The following NFX1 variants were observed in gnomAD, a reference collection of about 807,000 sequenced individuals.
The protein encoded by NFX1 is transcriptional repressor NF-X1.
A neutral mutation model predicts 137.2 loss-of-function variants in NFX1; 69 were observed. The observed-to-expected ratio is 0.50, with a 90% CI of 0.41 to 0.61. The LOEUF is 0.61. NFX1 is among the 20% of genes least tolerant of loss of function. NFX1 has a pLI of 0.00. For synonymous variants in NFX1, 495 were observed against 474.1 expected (o/e 1.04, Z -0.57); for missense variants, 1,167 against 1,391.0 (o/e 0.84, Z 2.56).
At chr9:33,329,269 AG>A (rs1232492510) in intron 10 of NFX1, among the ~76,000 whole-genome samples, 3 of 152,192 alleles carry the variant, frequency 2.0e-5, no homozygotes, top group Non-Finnish European at 2.9e-5. Flanking sequence ...CAACCAGGAA[AG>A]TTCACCCAGA....
chr9:33,367,436 A>C, intron 22 of NFX1, 79 bp from the exon 23 acceptor site: 1 of 1,459,456 alleles, frequency 6.9e-7, no homozygotes, highest in South Asian at 1.2e-5. Flanking sequence ...GCCAAAATCA[A>C]GGGCTGAGTT....
chr9:33,365,276 A>C (rs1175800513), intron 21 of NFX1: 1 of 153,718 alleles, frequency 6.5e-6, no homozygotes, highest in Admixed American at 6.5e-5. Context: ...CTCTGTCTCA[A>C]AAAGAAAGAA....
At position 33,369,953 on chromosome 9, in the gene NFX1, T is replaced by C. The variant is rs1824279602; in HGVS notation, c.3338T>C (p.Ile1113Thr). ...NLQKITKEPI[I>T]DYFDVQD ...CAGAAAATAACCAAGGAGCCAATAATTGACTATTTTGACGTCCAGGACTAA... is the reference window on the plus strand; with the variant it reads ...CAGAAAATAACCAAGGAGCCAATAACTGACTATTTTGACGTCCAGGACTAA... Residue 1113 changes from isoleucine to threonine, a missense_variant, in exon 24 of 24, where the codon ATT (isoleucine) becomes ACT (threonine). Ile to Thr is a moderately conservative substitution (Grantham distance 89). Around this residue, in one of 3 missense-constraint regions of NFX1, gnomAD observed 312 missense variants for 312.8 expected, o/e 1.00. Coordinates refer to ENST00000379540, the MANE Select transcript of NFX1 (RefSeq NM_002504.6). 2 of 1,613,382 alleles carry C rather than the reference T, an allele frequency of 1.2e-6. No homozygotes were observed. The highest frequency in any genetic ancestry group is 1.7e-6 in the Non-Finnish European group (2 of 1,179,396).
At chr9:33,295,772 A>G (rs1172890400) in intron 2 of NFX1, among the ~76,000 whole-genome samples, 1 of 152,186 alleles carries the variant, frequency 6.6e-6, no homozygotes, top group Non-Finnish European at 1.5e-5. Context: ...GGGTGGTAAC[A>G]TCTCTGCTGC....
At chr9:33,313,907 T>A in intron 7 of NFX1, 114 bp downstream of exon 7, 2 of 1,017,226 alleles carry the variant, frequency 2.0e-6, no homozygotes, top group Non-Finnish European at 2.9e-6. Flanking sequence ...AGACCTTGAG[T>A]AGAGAGAACT....
chr9:33,360,219 C>T, intron 19 of NFX1, among the ~76,000 whole-genome samples: 1 of 152,154 alleles, frequency 6.6e-6, no homozygotes, highest in Admixed American at 6.5e-5. Flanking sequence ...TAGTTAGAGC[C>T]AGAGCTCTGG....
chr9:33,353,821 G>C (rs1160384846), intron 17 of NFX1, among the ~76,000 whole-genome samples: 1 of 151,492 alleles, frequency 6.6e-6, no homozygotes, highest in Non-Finnish European at 1.5e-5. Flanking sequence ...CCTGAGTAGC[G>C]GGGATCACAG....
chr9:33,336,523 CT>C, intron 11 of NFX1, among the ~76,000 whole-genome samples: 1 of 151,976 alleles, frequency 6.6e-6, no homozygotes, highest in East Asian at 1.9e-4. Context: ...ATTTTTGGGG[CT>C]TTTTAAATCA....
At chr9:33,303,300 T>TTAC in intron 4 of NFX1, 32 bp downstream of exon 4, 1 of 1,566,306 alleles carries the variant, frequency 6.4e-7, no homozygotes, top group South Asian at 1.1e-5. Context: ...GGAGTCTCTT[T>TTAC]TACTACATAC....
intron 17 of NFX1, among the ~76,000 whole-genome samples, chr9:33,353,197 G>A (rs1253420127): frequency 6.6e-6 from 1 of 151,638 alleles, no homozygotes; most frequent in Non-Finnish European, 1.5e-5. Context: ...CTCTCTTTTG[G>A]TCGTATTACA....
chr9:33,363,492 C>A (rs1035164317), intron 19 of NFX1, among the ~76,000 whole-genome samples: 6 of 151,990 alleles, frequency 3.9e-5, no homozygotes, highest in Non-Finnish European at 7.4e-5. Flanking sequence ...CCATATTGGC[C>A]AGGCTGGTCT....
chr9:33,352,349 C>A, intron 16 of NFX1: 1 of 516,466 alleles, frequency 1.9e-6, no homozygotes, highest in Non-Finnish European at 3.7e-6. Context: ...CACAGTTGGG[C>A]CTAGGGCAAG....
At chr9:33,324,057 G>A (rs1025384877) in intron 9 of NFX1, among the ~76,000 whole-genome samples, 1 of 152,104 alleles carries the variant, frequency 6.6e-6, no homozygotes, top group Non-Finnish European at 1.5e-5. Context: ...GCCTGAGCAC[G>A]TAGTGAGACC....
At chr9:33,334,419 G>A (rs1822922881) in intron 11 of NFX1, among the ~76,000 whole-genome samples, 1 of 152,152 alleles carries the variant, frequency 6.6e-6, no homozygotes, top group Non-Finnish European at 1.5e-5. Flanking sequence ...TTGTGCCATT[G>A]CACTCTATCC....
chr9:33,348,672 A>C, intron 15 of NFX1: 1 of 889,432 alleles, frequency 1.1e-6, no homozygotes, highest in Non-Finnish European at 1.3e-6. Flanking sequence ...ACAAAGTTTC[A>C]ATTTGTAAAA....
At chr9:33,299,822 C>T (rs1480056530) in intron 2 of NFX1, among the ~76,000 whole-genome samples, 1 of 152,210 alleles carries the variant, frequency 6.6e-6, no homozygotes, top group East Asian at 1.9e-4. Context: ...AGACAAAACT[C>T]TCCCTTCTCC....
chr9:33,347,903 A>C (rs1450265262), intron 15 of NFX1: 1 of 158,478 alleles, frequency 6.3e-6, no homozygotes, highest in Non-Finnish European at 1.4e-5. Flanking sequence ...GGAGACCATT[A>C]TTCTAAGTGA....
intron 7 of NFX1, among the ~76,000 whole-genome samples, chr9:33,317,331 A>T (rs1258721119): frequency 2.0e-5 from 3 of 148,704 alleles, no homozygotes; most frequent in Non-Finnish European, 4.4e-5. Context: ...AAGTGAGAAC[A>T]TTGCTTGAGC....
At chr9:33,355,206 A>C (rs562504930) in intron 19 of NFX1, among the ~76,000 whole-genome samples, 1 of 152,338 alleles carries the variant, frequency 6.6e-6, no homozygotes, top group South Asian at 2.1e-4. Context: ...ATGTTTAGTT[A>C]ACTTTTCGTT....
Sources: gnomAD v4.1 joint callset for allele counts (sites outside exome capture counted in the v4.1 genomes callset) on GRCh38, gnomAD v4.1.1 for gene constraint, gnomAD v4.1.1 regional missense constraint, MANE v1.5 for transcripts, NCBI Gene and HGNC (gene_info 2026-07-23, HGNC 2026-07-21) for gene names.